Variants in MEI1 observed in about 807,000 individuals in gnomAD.
MEI1 encodes the protein meiotic double-stranded break formation protein 1, also known as meiosis inhibitor protein 1.
Under a neutral mutation model 146.2 loss-of-function variants are expected in MEI1, and 103 were observed. The observed-to-expected ratio is 0.70, with a 90% CI of 0.60 to 0.83. MEI1 has a LOEUF of 0.83. Among genes scored for constraint, MEI1 ranks in the 40% least tolerant of loss-of-function variants. The probability of loss-of-function intolerance (pLI) is 0.00; values close to 1 mark genes in which losing one functional copy is unlikely to be tolerated. For missense variants in MEI1, 1,529 were observed against 1,533.0 expected (o/e 1.00, Z 0.04); for synonymous variants, 652 against 628.2 (o/e 1.04, Z -0.57).
chr22:41,760,187 G>A (rs2074383128), intron 18 of MEI1, among the ~76,000 whole-genome samples: 1 of 152,026 alleles, frequency 6.6e-6, no homozygotes, highest in Admixed American at 6.6e-5. Context: ...GTGGGTGCCT[G>A]TAGTCCCAGC....
At chr22:41,791,853 C>T (rs989959107) in intron 26 of MEI1, among the ~76,000 whole-genome samples, 1 of 152,106 alleles carries the variant, frequency 6.6e-6, no homozygotes, top group Non-Finnish European at 1.5e-5. Flanking sequence ...CATGGATGAA[C>T]CTTGAGAACA....
At chr22:41,715,531 G>A (rs1441653110) in intron 4 of MEI1, among the ~76,000 whole-genome samples, 1 of 151,878 alleles carries the variant, frequency 6.6e-6, no homozygotes, top group East Asian at 1.9e-4. Flanking sequence ...GAGTAGCTGG[G>A]ACTACAGGCG....
chr22:41,734,669 G>T (rs781778821), intron 11 of MEI1, among the ~76,000 whole-genome samples: 1 of 152,240 alleles, frequency 6.6e-6, no homozygotes, highest in East Asian at 1.9e-4. Context: ...ATGAAGTTTC[G>T]CTCTGTCGCC....
chr22:41,721,794 C>T (rs987527896), intron 6 of MEI1, among the ~76,000 whole-genome samples: 1 of 140,286 alleles, frequency 7.1e-6, no homozygotes, highest in African/African-American at 2.6e-5. Flanking sequence ...GATCTCAGCT[C>T]ACTGCAACCT....
chr22:41,774,236 A>G (rs992858054), intron 20 of MEI1: 2 of 152,256 alleles, frequency 1.3e-5, no homozygotes, highest in Non-Finnish European at 2.9e-5. Context: ...GAGCCTTCCC[A>G]CTGATCCATA....
rs1175348173 is a variant in MEI1, at chr22:41,754,031, C to A, written c.1936C>A (p.Pro646Thr). The change falls in exon 17 of 31, where the codon CCA becomes ACA. Residue 646 changes from proline to threonine, a missense_variant. Coordinates refer to ENST00000401548, the MANE Select transcript of MEI1 (RefSeq NM_152513.4). Reference sequence around the variant, plus strand: ...TCTCTCAGCTCCAGAGAAGACAGGACCACCTTCCAAAGAAGGTAAGATGCT... The same window carrying A: ...TCTCTCAGCTCCAGAGAAGACAGGAACACCTTCCAAAGAAGGTAAGATGCT... ...NLLSAPEKTG[P>T]PSKEELSAVS... 1 of 1,611,940 alleles carries A rather than the reference C, an allele frequency of 6.2e-7. No individual in the cohort carries two copies. The highest frequency in any genetic ancestry group is 1.7e-5 in the Admixed American group (1 of 59,996).
intron 11 of MEI1, among the ~76,000 whole-genome samples, chr22:41,733,854 C>T (rs1037729124): frequency 3.3e-5 from 5 of 151,918 alleles, no homozygotes; most frequent in African/African-American, 4.8e-5. Flanking sequence ...GGACCACGTG[C>T]GGTGGCTCAT....
chr22:41,797,912 C>G (rs544746350), intron 30 of MEI1, among the ~76,000 whole-genome samples: 1 of 152,224 alleles, frequency 6.6e-6, no homozygotes, highest in Non-Finnish European at 1.5e-5. Context: ...GTTATTATTC[C>G]TACTCCCTTT....
At position 41,699,522 on chromosome 22, in the gene MEI1, T is replaced by A. The variant is rs2068524780; in HGVS notation, c.-17T>A. The A allele has an allele frequency of 3.1e-6, 5 of 1,602,226 alleles. No homozygotes were observed. Among genetic ancestry groups the A allele is most frequent in the Non-Finnish European group, 4.3e-6 (5 of 1,175,346 alleles). On this transcript the variant is annotated 5_prime_UTR_variant, in exon 1 of 31. Transcript: ENST00000401548. Reference sequence around the variant, plus strand: ...GCGCGGGAAAGAGTGCCGCCTCAGCTGAGGGCAAGCGAGGAGATGGCTGTG... The same window carrying A: ...GCGCGGGAAAGAGTGCCGCCTCAGCAGAGGGCAAGCGAGGAGATGGCTGTG...
chr22:41,767,152 T>A (rs1182194736), intron 19 of MEI1, among the ~76,000 whole-genome samples: 1 of 152,178 alleles, frequency 6.6e-6, no homozygotes, highest in Non-Finnish European at 1.5e-5. Context: ...GCCTGCTAGC[T>A]CCCAGGCCTT....
At chr22:41,706,320 A>G (rs544101992) in intron 3 of MEI1, among the ~76,000 whole-genome samples, 1 of 152,228 alleles carries the variant, frequency 6.6e-6, no homozygotes, top group Admixed American at 6.5e-5. Flanking sequence ...TCCTGGCCTT[A>G]CATTTTTTCC....
chr22:41,789,017 T>C (rs1198019119), intron 26 of MEI1, among the ~76,000 whole-genome samples: 3 of 152,102 alleles, frequency 2.0e-5, no homozygotes, highest in Non-Finnish European at 4.4e-5. Flanking sequence ...TAAAATACTT[T>C]TGTATTGGTA....
chr22:41,768,551 CAA>C (rs1425091255), intron 19 of MEI1, among the ~76,000 whole-genome samples: 12 of 152,168 alleles, frequency 7.9e-5, no homozygotes, highest in Admixed American at 3.3e-4. Flanking sequence ...TTTATAAAGA[CAA>C]GAGATTTATG....
intron 25 of MEI1, 42 bp from the exon 26 acceptor site, chr22:41,784,566 G>A (rs1221911793): frequency 1.2e-6 from 2 of 1,604,590 alleles, no homozygotes; most frequent in Middle Eastern, 1.7e-4. Context: ...TGGGAGGTGG[G>A]AAGGAGACAG....
intron 9 of MEI1, among the ~76,000 whole-genome samples, chr22:41,732,033 G>C (rs2071910019): frequency 6.6e-6 from 1 of 152,168 alleles, no homozygotes; most frequent in South Asian, 2.1e-4. Context: ...ACTGTGCTAT[G>C]GCTTGTACTG....
intron 16 of MEI1, chr22:41,753,711 T>A: frequency 2.5e-6 from 1 of 394,814 alleles, no homozygotes; most frequent in Non-Finnish European, 4.8e-6. Context: ...ACTCCTGACC[T>A]CAGGTGATCC....
intron 11 of MEI1, 33 bp downstream of exon 11, chr22:41,732,636 C>T (rs948181098): frequency 2.5e-6 from 4 of 1,601,778 alleles, no homozygotes; most frequent in African/African-American, 1.3e-5. Context: ...ACTTTCCATC[C>T]CTGCATATAC....
intron 20 of MEI1, 44 bp downstream of exon 20, chr22:41,771,005 C>A: frequency 6.3e-7 from 1 of 1,588,978 alleles, no homozygotes; most frequent in Non-Finnish European, 8.6e-7. Flanking sequence ...AATCGTGGGC[C>A]TTCTCTCTCT....
At chr22:41,700,582 C>G (rs2008522) in intron 1 of MEI1, among the ~76,000 whole-genome samples, 4 of 26,010 alleles carry the variant, frequency 1.5e-4, no homozygotes, top group African/African-American at 2.3e-4. Flanking sequence ...CCACCCGCCT[C>G]GGCTTCCCAT....
Sources: gnomAD v4.1 joint callset for allele counts (sites outside exome capture counted in the v4.1 genomes callset) on GRCh38, gnomAD v4.1.1 for gene constraint, MANE v1.5 for transcripts, NCBI Gene and HGNC (gene_info 2026-07-23, HGNC 2026-07-21) for gene names.